PRKX: variants seen among roughly 807,000 people sequenced by gnomAD.
PRKX encodes the protein protein kinase cAMP-dependent X-linked catalytic subunit, also known as cAMP-dependent protein kinase catalytic subunit PRKX.
PRKX carries 12 observed loss-of-function variants against 22.0 expected under a neutral mutation model. The observed-to-expected ratio is 0.54, with a 90% CI of 0.35 to 0.88. The LOEUF is 0.88. Among genes scored for constraint, PRKX ranks in the 40% least tolerant of loss-of-function variants. The probability of loss-of-function intolerance (pLI) is 0.01; values close to 1 mark genes in which losing one functional copy is unlikely to be tolerated. For missense variants in PRKX, 217 were observed against 308.0 expected (o/e 0.70, Z 2.21); for synonymous variants, 134 against 137.7 (o/e 0.97, Z 0.19).
intron 2 of PRKX, among the ~76,000 whole-genome samples, chrX:3,656,176 C>T (rs1402716929): frequency 9.0e-6 from 1 of 111,162 alleles, no homozygotes; most frequent in Non-Finnish European, 1.9e-5. Context: ...CAGATGATAT[C>T]TATACGTATA....
chrX:3,633,798 G>A (rs1312838086), intron 4 of PRKX, among the ~76,000 whole-genome samples: 1 of 111,125 alleles, frequency 9.0e-6, no homozygotes, highest in South Asian at 3.8e-4. Context: ...GAGGACCGGG[G>A]CTGGCCTTGG....
rs940883267 is a variant in PRKX at position 3,672,528 on chromosome X, C to T, written c.335+2070G>A. On this transcript the variant is annotated intron_variant, in intron 2 of 8. Transcript: ENST00000262848. The stretch of plus-strand genomic sequence containing the variant: ...CCTGGGGAATTCTCTCACTTGTATA[C>T]TCCACCCACTCCCATGTCCATGCGG... 5.4e-5 allele frequency among the ~76,000 whole-genome samples: 6 copies of T among 111,059 alleles called. No homozygotes were observed. In the Admixed American group the frequency reaches 5.8e-4, roughly 11 times the overall value.
At chrX:3,677,472 G>A (rs1368640854) in intron 1 of PRKX, among the ~76,000 whole-genome samples, 9 of 108,028 alleles carry the variant, frequency 8.3e-5, no homozygotes, top group Admixed American at 5.0e-4. Context: ...GACTACAGGC[G>A]TGCACCACCA....
chrX:3,701,397 T>C (rs1928569307), intron 1 of PRKX, among the ~76,000 whole-genome samples: 1 of 112,808 alleles, frequency 8.9e-6, no homozygotes, highest in African/African-American at 3.2e-5. Flanking sequence ...TGAGCCACTG[T>C]GTGTCGCCTA....
intron 2 of PRKX, chrX:3,667,439 C>T (rs1927758871): frequency 9.2e-6 from 1 of 108,422 alleles, no homozygotes; most frequent in African/African-American, 3.4e-5. Context: ...GGCTCCAGAA[C>T]GGCTCTACTT....
rs780690113 is a variant in PRKX, at chrX:3,641,947, G to C, written c.624C>G (p.Pro208=). Residue 208 remains proline (P), a synonymous_variant, in exon 4 of 9, where the codon CCC becomes CCG. Transcript: ENST00000262848. The stretch of plus-strand genomic sequence containing the variant: ...GAATGACTTCGGGGGCTAGGTACTC[G>C]GGTGTTCCACAGAGGGTCCAAGTCC... ...VDRTWTLCGT[P]EYLAPEVIQS... is the part of the protein sequence containing the mutation. 5 of 799,905 alleles carry C rather than the reference G, an allele frequency of 6.3e-6. No homozygotes were observed. The highest frequency in any genetic ancestry group is 4.8e-5 in the African/African-American group (2 of 41,518). The allele number at this position is 799,905 out of a possible 1,213,427, so 65.9% of individuals were successfully genotyped here.
At chrX:3,629,588 A>G (rs774170499) in intron 4 of PRKX, among the ~76,000 whole-genome samples, 2 of 110,610 alleles carry the variant, frequency 1.8e-5, no homozygotes, top group Non-Finnish European at 3.8e-5. Context: ...CATTCATGGA[A>G]CAGTATGTGG....
intron 1 of PRKX, among the ~76,000 whole-genome samples, chrX:3,675,497 C>T (rs1927934370): frequency 9.0e-6 from 1 of 110,548 alleles, no homozygotes; most frequent in African/African-American, 3.3e-5. Flanking sequence ...ATCTTCTCCT[C>T]CTTCTCTTTC....
At chrX:3,700,173 C>G (rs1421492315) in intron 1 of PRKX, among the ~76,000 whole-genome samples, 2 of 112,243 alleles carry the variant, frequency 1.8e-5, no homozygotes, top group African/African-American at 6.5e-5. Flanking sequence ...TCTACTTCTT[C>G]TAGGACCCTC....
chrX:3,704,536 G>A (rs1282606592), intron 1 of PRKX, among the ~76,000 whole-genome samples: 1 of 111,324 alleles, frequency 9.0e-6, no homozygotes, highest in Non-Finnish European at 1.9e-5. Flanking sequence ...GCGTGGTGAT[G>A]CACACCTGCA....
intron 3 of PRKX, among the ~76,000 whole-genome samples, chrX:3,649,240 C>T (rs1210332163): frequency 1.8e-5 from 2 of 110,454 alleles, no homozygotes; most frequent in Non-Finnish European, 3.8e-5. Context: ...AAATCCAAAA[C>T]AATTCTGGTC....
chrX:3,681,310 G>C (rs887788423), intron 1 of PRKX, among the ~76,000 whole-genome samples: 3 of 110,751 alleles, frequency 2.7e-5, no homozygotes, highest in African/African-American at 9.9e-5. Context: ...CTTGAGCCCA[G>C]GAGGTTGAGA....
intron 6 of PRKX, among the ~76,000 whole-genome samples, chrX:3,618,774 A>G (rs1483337605): frequency 9.0e-6 from 1 of 111,377 alleles, no homozygotes; most frequent in Admixed American, 9.6e-5. Flanking sequence ...CCCCCTTGGA[A>G]GGTACCTATG....
intron 1 of PRKX, among the ~76,000 whole-genome samples, chrX:3,711,848 G>A (rs1215838211): frequency 6.4e-5 from 7 of 109,811 alleles, no homozygotes; most frequent in African/African-American, 2.3e-4. Flanking sequence ...CTTGAACAGA[G>A]ACAGAAAGAG....
intron 2 of PRKX, among the ~76,000 whole-genome samples, chrX:3,668,905 AT>A (rs1332744942): frequency 8.9e-6 from 1 of 112,603 alleles, no homozygotes; most frequent in Non-Finnish European, 1.9e-5. Context: ...AATGGAGCTG[AT>A]TCTGCTCCCC....
chrX:3,610,205 G>A (rs1926264600), intron 8 of PRKX, among the ~76,000 whole-genome samples: 1 of 112,183 alleles, frequency 8.9e-6, no homozygotes, highest in African/African-American at 3.2e-5. Context: ...TCTGGGCCAG[G>A]CACAGTGGCT....
At chrX:3,634,225 G>T (rs1272124971) in intron 4 of PRKX, among the ~76,000 whole-genome samples, 2 of 108,109 alleles carry the variant, frequency 1.8e-5, no homozygotes, top group East Asian at 5.8e-4. Flanking sequence ...ACTCCAGCCT[G>T]GGTGACAGAG....
intron 3 of PRKX, among the ~76,000 whole-genome samples, chrX:3,652,187 G>A (rs1376755401): frequency 2.7e-5 from 3 of 110,623 alleles, no homozygotes; most frequent in Non-Finnish European, 5.7e-5. Flanking sequence ...GGGATGCCAA[G>A]GTGGGCGCAT....
At chrX:3,635,161 C>T (rs193070521) in intron 4 of PRKX, among the ~76,000 whole-genome samples, 15 of 111,919 alleles carry the variant, frequency 1.3e-4, no homozygotes, top group East Asian at 2.8e-4. Flanking sequence ...GTAGTCAGCG[C>T]GGACAGCTGT....
Sources: gnomAD v4.1 joint callset for allele counts (sites outside exome capture counted in the v4.1 genomes callset) on GRCh38, gnomAD v4.1.1 for gene constraint, MANE v1.5 for transcripts, NCBI Gene and HGNC (gene_info 2026-07-23, HGNC 2026-07-21) for gene names.